Variants in HERC2 observed in about 807,000 individuals in gnomAD.
HERC2 encodes the protein HECT and RLD domain containing E3 ubiquitin protein ligase 2, also known as E3 ubiquitin-protein ligase HERC2.
A neutral mutation model predicts 537.7 loss-of-function variants in HERC2; 102 were observed. That is an observed-to-expected ratio of 0.19 (90% confidence interval 0.16 to 0.22). HERC2 has a LOEUF of 0.22. Ranked by LOEUF, HERC2 falls within the 10% of genes least tolerant of loss-of-function variation. The pLI is 1.00. For missense variants in HERC2, 4,236 were observed against 6,198.2 expected (o/e 0.68, Z 10.63); for synonymous variants, 2,224 against 2,466.2 (o/e 0.90, Z 2.91).
chr15:28,284,840 G>A (rs572864411), intron 4 of HERC2, among the ~76,000 whole-genome samples: 4 of 150,142 alleles, frequency 2.7e-5, no homozygotes, highest in Admixed American at 6.7e-5. Context: ...ACTTGAACCC[G>A]GTGGGGTTGG....
chr15:28,296,226 C>A (rs1373668262), intron 3 of HERC2, among the ~76,000 whole-genome samples: 2 of 152,000 alleles, frequency 1.3e-5, no homozygotes, highest in Non-Finnish European at 2.9e-5. Context: ...CTGTAAACCC[C>A]ACACTTTGGG....
At chr15:28,271,988 A>G in intron 9 of HERC2, 2 of 541,286 alleles carry the variant, frequency 3.7e-6, no homozygotes, top group Non-Finnish European at 6.5e-6. Context: ...TTAAAAGTGA[A>G]TGTTTCAAGC....
chr15:28,274,825 A>G (rs2075827905), intron 6 of HERC2, 80 bp downstream of exon 6: 2 of 1,079,638 alleles, frequency 1.9e-6, no homozygotes, highest in African/African-American at 1.5e-5. Context: ...CAAAGGGCAC[A>G]TGGTGGCTGA....
At chr15:28,267,878 T>C (rs980040917) in intron 12 of HERC2, among the ~76,000 whole-genome samples, 4 of 152,238 alleles carry the variant, frequency 2.6e-5, no homozygotes, top group Non-Finnish European at 5.9e-5. Flanking sequence ...GGTGTGTACA[T>C]ACATCCCTCA....
intron 2 of HERC2, among the ~76,000 whole-genome samples, chr15:28,300,469 A>G (rs2141203589): frequency 6.6e-6 from 1 of 151,124 alleles, no homozygotes; most frequent in Non-Finnish European, 1.5e-5. Context: ...CATGTTGCAC[A>G]ATAAAGCAGT....
intron 42 of HERC2, chr15:28,212,884 T>C (rs1316496142): frequency 1.7e-6 from 1 of 580,400 alleles, no homozygotes; most frequent in Non-Finnish European, 2.2e-6. Context: ...AACGTGTATA[T>C]ATTCCTATAA....
At chr15:28,116,580 G>A in intron 88 of HERC2, 85 bp downstream of exon 88, 1 of 1,286,072 alleles carries the variant, frequency 7.8e-7, no homozygotes, top group Non-Finnish European at 1.1e-6. Context: ...GATATCTACT[G>A]TCACTCCTCA....
Position 28,152,698 on chromosome 15 carries a change from T to C in HERC2, c.10879A>G (p.Ser3627Gly), listed in dbSNP as rs1892579676. ...GTACCTGGTATCTTCACTGTGCCACTGGTGGAGGTGTCGTCGGTGTAAGGG... is the reference window on the plus strand; with the variant it reads ...GTACCTGGTATCTTCACTGTGCCACCGGTGGAGGTGTCGTCGGTGTAAGGG... ...SHPYTDDTST[S>G]GTVKIPGAEG... is the part of the protein sequence containing the mutation. The change falls in exon 70 of 93, where the codon AGT (serine) becomes GGT (glycine). Residue 3627 changes from serine (S) to glycine (G), a missense_variant. By Grantham distance (56) the Ser-to-Gly change is moderately conservative. Transcript: ENST00000261609. 1.9e-6 allele frequency: 3 copies of C among 1,550,596 alleles called. No homozygotes were observed. The highest frequency in any genetic ancestry group is 2.7e-5 in the African/African-American group (2 of 73,058).
chr15:28,143,860 G>A lies in HERC2; in HGVS notation c.11418+13C>T, dbSNP rs1350607589. 1.2e-6 allele frequency: 2 copies of A among 1,614,016 alleles called. No homozygotes were observed. Among genetic ancestry groups the A allele is most frequent in the Admixed American group, 3.3e-5 (2 of 60,012 alleles). On this transcript the variant is annotated intron_variant, in intron 74 of 92. Coordinates refer to ENST00000261609, the MANE Select transcript of HERC2 (RefSeq NM_004667.6). ...GGTCACAAATCTAGAAATTGTACTA[G>A]AATGCTCCATACCAAAGCTCTTGTT...
intron 2 of HERC2, among the ~76,000 whole-genome samples, chr15:28,307,818 C>G (rs2076832540): frequency 6.6e-6 from 1 of 152,122 alleles, no homozygotes; most frequent in Admixed American, 6.6e-5. Flanking sequence ...TTGTCTTTTC[C>G]CCAGTGTATG....
At chr15:28,222,626 C>A (rs1391482535) in intron 35 of HERC2, among the ~76,000 whole-genome samples, 1 of 152,172 alleles carries the variant, frequency 6.6e-6, no homozygotes, top group Non-Finnish European at 1.5e-5. Flanking sequence ...CAGCTAACAG[C>A]TGGCCCGAGA....
rs763201702 is a variant in HERC2, at chr15:28,265,649, C to T, written c.1839G>A (p.Gly613=). The T allele has an allele frequency of 1.0e-4, 161 of 1,614,028 alleles. No homozygotes were observed. Among genetic ancestry groups the T allele is most frequent in the Non-Finnish European group, 1.3e-4 (159 of 1,180,032 alleles). ...CAGTGACAGCCAGGGTTTGAGCATC[C>T]CCACTCCCACACGCCACATCGATGA... The part of the protein sequence containing the change: ...LKVIDVACGS[G]DAQTLAVTEN... The change falls in exon 14 of 93, where the codon GGG becomes GGA. Residue 613 remains glycine (G), a synonymous_variant. Coordinates refer to ENST00000261609, the MANE Select transcript of HERC2 (RefSeq NM_004667.6). This position sits in a 1 kb window ranked among gnomAD's most constrained non-coding sequence, Gnocchi z 4.0.
rs558175079 is a variant in HERC2, at chr15:28,230,144, G to A, written c.4809+223C>T. The stretch of plus-strand genomic sequence containing the variant: ...AGAATATATTTAAGGAATGAATGGT[G>A]AATAATTAATGATACAATCTAATAC... On this transcript the variant is annotated intron_variant, in intron 31 of 92. Coordinates refer to ENST00000261609, the MANE Select transcript of HERC2 (RefSeq NM_004667.6). Among the ~76,000 whole-genome samples, 7 of 152,198 alleles carry A rather than the reference G, an allele frequency of 4.6e-5. No homozygotes were observed. In the South Asian group the frequency reaches 1.2e-3, roughly 27 times the overall value.
intron 30 of HERC2, among the ~76,000 whole-genome samples, chr15:28,232,035 A>G (rs1461264388): frequency 6.6e-6 from 1 of 152,136 alleles, no homozygotes; most frequent in African/African-American, 2.4e-5. Flanking sequence ...AAGGAATCGC[A>G]GCAGTGTGAC....
In HERC2 at chr15:28,173,550, G is replaced by C. The variant is rs1433573992; in HGVS notation, c.10057+845C>G. ...ACGGTGGCTCCTGCCCATAATCCCA[G>C]CACTTTGGGAGGCCAAGATGGGAGG... On this transcript the variant is annotated intron_variant, in intron 65 of 92. Transcript: ENST00000261609. Among the ~76,000 whole-genome samples the C allele has an allele frequency of 2.0e-5, 3 of 152,060 alleles. No individual in the cohort carries two copies. The East Asian group carries it at 5.8e-4, about 29-fold the overall frequency.
In HERC2 at chr15:28,178,923, T is replaced by C; in HGVS notation, c.9127A>G (p.Ser3043Gly). 6.2e-7 allele frequency: 1 copy of C among 1,614,156 alleles called. No individual in the cohort carries two copies. Among genetic ancestry groups the C allele is most frequent in the Non-Finnish European group, 8.5e-7 (1 of 1,180,036 alleles). ...VPIPRQITAL[S>G]SYVVKKVAVH... ...GCCACCTTCTTGACCACGTAGCTGC[T>C]GAGAGCTGTGATCTGCCGTGGGATG... is the stretch of plus-strand genomic sequence containing the variant. The change falls in exon 59 of 93, where the codon AGC becomes GGC. Residue 3043 changes from serine (S) to glycine (G), a missense_variant. Ser to Gly is a moderately conservative substitution (Grantham distance 56). Transcript: ENST00000261609.
chr15:28,211,980 C>G (rs889794005), intron 43 of HERC2, among the ~76,000 whole-genome samples: 2 of 152,318 alleles, frequency 1.3e-5, no homozygotes, highest in South Asian at 2.1e-4. Context: ...CCGCATTCTA[C>G]AACCGAAGGA....
At chr15:28,132,071 G>A in intron 81 of HERC2, 29 bp downstream of exon 81, 1 of 1,553,666 alleles carries the variant, frequency 6.4e-7, no homozygotes, top group Non-Finnish European at 8.8e-7. Context: ...AGCTGGGAGA[G>A]CACTGGGCAG....
chr15:28,275,088 G>A (rs2075836751), intron 5 of HERC2, 83 bp from the exon 6 acceptor site: 3 of 783,676 alleles, frequency 3.8e-6, no homozygotes, highest in East Asian at 5.5e-5. Context: ...ATGAAAGGGT[G>A]TGTACCAAAA....
Sources: gnomAD v4.1 joint callset for allele counts (sites outside exome capture counted in the v4.1 genomes callset) on GRCh38, gnomAD v4.1.1 for gene constraint, Gnocchi (gnomAD v3.1) non-coding constraint, MANE v1.5 for transcripts, NCBI Gene and HGNC (gene_info 2026-07-23, HGNC 2026-07-21) for gene names.